Variants in TIMP2 observed in about 807,000 individuals in gnomAD.
TIMP2 encodes metalloproteinase inhibitor 2.
Under a neutral mutation model 24.3 loss-of-function variants are expected in TIMP2, and 5 were observed. The observed-to-expected ratio is 0.21, with a 90% CI of 0.11 to 0.43. TIMP2 has a LOEUF of 0.43. Ranked by LOEUF, TIMP2 falls within the 20% of genes least tolerant of loss-of-function variation. The probability of loss-of-function intolerance (pLI) is 1.00; values close to 1 mark genes in which losing one functional copy is unlikely to be tolerated. For missense variants in TIMP2, 221 were observed against 297.5 expected (o/e 0.74, Z 1.89); for synonymous variants, 130 against 123.2 (o/e 1.06, Z -0.37).
intron 1 of TIMP2, chr17:78,892,255 T>C: frequency 6.4e-7 from 1 of 1,550,904 alleles, no homozygotes; most frequent in Admixed American, 2.0e-5. Flanking sequence ...CCCGGGCTTG[T>C]AGCAATTTGT....
At chr17:78,861,224 G>C (rs1192769009) in intron 3 of TIMP2, among the ~76,000 whole-genome samples, 1 of 152,136 alleles carries the variant, frequency 6.6e-6, no homozygotes, top group Non-Finnish European at 1.5e-5. Context: ...TGTCCAGCCT[G>C]GGCACCTGCC....
chr17:78,906,095 G>C (rs2070155898), intron 1 of TIMP2, among the ~76,000 whole-genome samples: 1 of 152,122 alleles, frequency 6.6e-6, no homozygotes, highest in Non-Finnish European at 1.5e-5. Flanking sequence ...TTATTGGCCG[G>C]GGCAGTGGCT....
rs117193813 is a variant in TIMP2, at chr17:78,887,389, T to A, written c.131-13470A>T. Among the ~76,000 whole-genome samples, 316 of 152,118 alleles carry A rather than the reference T, an allele frequency of 2.1e-3. 6 individuals are homozygous for A. In the East Asian group the frequency reaches 0.052, roughly 25 times the overall value. ...GTGTCTAGGACTCATATCTGTAAATTTATTTATTTATTTTGAGATGGAGTC... is the reference window on the plus strand; with the variant it reads ...GTGTCTAGGACTCATATCTGTAAATATATTTATTTATTTTGAGATGGAGTC... On this transcript the variant is annotated intron_variant, in intron 1 of 4. Transcript: ENST00000262768.
At chr17:78,888,700 G>A (rs981977851) in intron 1 of TIMP2, among the ~76,000 whole-genome samples, 6 of 152,042 alleles carry the variant, frequency 3.9e-5, no homozygotes, top group African/African-American at 1.2e-4. Flanking sequence ...ATCCTCCTGC[G>A]CTGGCTTCCC....
intron 1 of TIMP2, chr17:78,890,735 C>T (rs1023657545): frequency 1.3e-6 from 2 of 1,550,648 alleles, no homozygotes; most frequent in Admixed American, 2.0e-5. Flanking sequence ...CTGCTGGTCT[C>T]GGATCATCTG....
intron 1 of TIMP2, among the ~76,000 whole-genome samples, chr17:78,900,492 C>A (rs2070073625): frequency 1.3e-5 from 2 of 151,560 alleles, no homozygotes; most frequent in African/African-American, 2.4e-5. Context: ...TTGCAGTGAG[C>A]CAAGATCGCA....
intron 1 of TIMP2, chr17:78,899,655 A>T (rs1832808765): frequency 6.6e-6 from 1 of 152,250 alleles, no homozygotes; most frequent in Non-Finnish European, 1.5e-5. Flanking sequence ...CACACCAGAC[A>T]GGGGTGGTAG....
intron 1 of TIMP2, among the ~76,000 whole-genome samples, chr17:78,913,705 T>C (rs2070228770): frequency 6.6e-6 from 1 of 151,620 alleles, no homozygotes; most frequent in African/African-American, 2.4e-5. Flanking sequence ...AGCAAGAACC[T>C]GTCTCAGAAA....
At chr17:78,919,535 C>G (rs533265616) in intron 1 of TIMP2, among the ~76,000 whole-genome samples, 4 of 152,126 alleles carry the variant, frequency 2.6e-5, no homozygotes, top group African/African-American at 9.7e-5. Flanking sequence ...CTGCCCTCCC[C>G]TCTTGAAAAA....
chr17:78,901,526 C>T (rs527892837), intron 1 of TIMP2, among the ~76,000 whole-genome samples: 3 of 152,150 alleles, frequency 2.0e-5, no homozygotes, highest in East Asian at 3.9e-4. Context: ...GAGGGGCCCA[C>T]TGACCAAAGG....
chr17:78,870,816 C>T (rs1259309123), intron 3 of TIMP2, 82 bp downstream of exon 3: 1 of 1,254,884 alleles, frequency 8.0e-7, no homozygotes, highest in Non-Finnish European at 1.1e-6. Flanking sequence ...CCCCCCGAGC[C>T]TGGGAAACGA....
At position 78,903,606 on chromosome 17, in the gene TIMP2, A is replaced by G. The variant is rs572423981; in HGVS notation, c.130+21353T>C. ...TTCACGCTTCTAAACAGCTCCAGAA[A>G]GCCATCGTTAAACTGAAACCCACTG... On this transcript the variant is annotated intron_variant, in intron 1 of 4. Coordinates refer to ENST00000262768, the MANE Select transcript of TIMP2 (RefSeq NM_003255.5). 7.2e-5 allele frequency among the ~76,000 whole-genome samples: 11 copies of G among 152,290 alleles called. No individual in the cohort carries two copies. In the South Asian group the frequency reaches 2.3e-3, roughly 32 times the overall value.
At chr17:78,899,677 A>G (rs1362379320) in intron 1 of TIMP2, 1 of 152,226 alleles carries the variant, frequency 6.6e-6, no homozygotes, top group Non-Finnish European at 1.5e-5. Context: ...GCTCCTGGCC[A>G]TTCCCAAATG....
At chr17:78,871,843 C>CAA (rs1163916256) in intron 2 of TIMP2, among the ~76,000 whole-genome samples, 58 of 122,596 alleles carry the variant, frequency 4.7e-4, no homozygotes, top group South Asian at 1.7e-3. Flanking sequence ...GACTCCATCT[C>CAA]AAAAAAAAAA....
intron 1 of TIMP2, among the ~76,000 whole-genome samples, chr17:78,907,286 T>A (rs1400179843): frequency 6.6e-6 from 1 of 152,200 alleles, no homozygotes; most frequent in Non-Finnish European, 1.5e-5. Flanking sequence ...TCCTCCCGCC[T>A]CAGCCTCCCA....
Position 78,918,715 on chromosome 17 carries a change from T to G in TIMP2, c.130+6244A>C, listed in dbSNP as rs532566712. ...CAGATATTCATTAAAAAAGTATATA[T>G]AGGCCGGGCACCGTGGCTCACATCT... On this transcript the variant is annotated intron_variant, in intron 1 of 4. Coordinates refer to ENST00000262768, the MANE Select transcript of TIMP2 (RefSeq NM_003255.5). Among the ~76,000 whole-genome samples, 6 of 152,208 alleles carry G rather than the reference T, an allele frequency of 3.9e-5. No homozygotes were observed. In the South Asian group the frequency reaches 1.0e-3, roughly 26 times the overall value.
At chr17:78,878,531 G>C (rs2069749456) in intron 1 of TIMP2, among the ~76,000 whole-genome samples, 1 of 152,252 alleles carries the variant, frequency 6.6e-6, no homozygotes, top group Non-Finnish European at 1.5e-5. Context: ...GTCCTGGTCA[G>C]CAGGCCACAG....
chr17:78,866,432 G>A (rs151117404), intron 3 of TIMP2, among the ~76,000 whole-genome samples: 2,377 of 151,880 alleles, frequency 0.016, 31 homozygotes, highest in Non-Finnish European at 0.025. Flanking sequence ...AATACTGGGC[G>A]TGTAAAATGG....
chr17:78,909,972 G>A (rs2070193493), intron 1 of TIMP2, among the ~76,000 whole-genome samples: 1 of 152,158 alleles, frequency 6.6e-6, no homozygotes, highest in African/African-American at 2.4e-5. Flanking sequence ...GAACACACCT[G>A]CCGTCCTTAT....
Sources: gnomAD v4.1 joint callset for allele counts (sites outside exome capture counted in the v4.1 genomes callset) on GRCh38, gnomAD v4.1.1 for gene constraint, MANE v1.5 for transcripts, NCBI Gene and HGNC (gene_info 2026-07-23, HGNC 2026-07-21) for gene names.